The following NXPE4 variants were observed in gnomAD, a reference collection of about 807,000 sequenced individuals.
NXPE4 encodes NXPE family member 4.
In NXPE4, 42 loss-of-function variants were observed where a neutral mutation model predicts 33.3. The ratio of observed to expected loss-of-function variants is 1.26; its 90% CI spans 0.98 to 1.63. The LOEUF (loss-of-function observed/expected upper bound fraction) is 1.63, where lower values mean the gene tolerates loss of function less well. NXPE4 is among the 40% of genes most tolerant of loss of function. NXPE4 has a pLI of 0.00. For missense variants in NXPE4, 709 were observed against 647.6 expected (o/e 1.09, Z -1.03); for synonymous variants, 253 against 234.9 (o/e 1.08, Z -0.71).
the NXPE4 span, among the ~76,000 whole-genome samples, chr11:114,628,133 T>A: frequency 6.9e-6 from 1 of 144,366 alleles, no homozygotes; most frequent in South Asian, 2.3e-4. Context: ...TCAACAACGA[T>A]ACCCAAGAAT....
chr11:114,576,282 C>T (rs2138876), intron 5 of NXPE4, among the ~76,000 whole-genome samples: 31,259 of 152,018 alleles, frequency 0.21, 4,225 homozygotes, highest in African/African-American at 0.37. Flanking sequence ...CTTCTAGACA[C>T]TGGCTTAGGC....
At chr11:114,651,032 G>A in the NXPE4 span, among the ~76,000 whole-genome samples, 76 of 152,054 alleles carry the variant, frequency 5.0e-4, no homozygotes, top group Non-Finnish European at 9.1e-4. Context: ...TTTGAAGTCT[G>A]TGGTACATTG....
At chr11:114,644,714 A>C in the NXPE4 span, among the ~76,000 whole-genome samples, 2,234 of 152,182 alleles carry the variant, frequency 0.015, 43 homozygotes, top group African/African-American at 0.051. Flanking sequence ...AATTTTATCA[A>C]ATCTCTATAA....
At position 114,582,438 on chromosome 11, in the gene NXPE4, G is replaced by C; in HGVS notation, c.680C>G (p.Ala227Gly). 6.2e-7 allele frequency: 1 copy of C among 1,614,176 alleles called. No individual in the cohort carries two copies. The highest frequency in any genetic ancestry group is 8.5e-7 in the Non-Finnish European group (1 of 1,180,000). ...SECGLILNTN[A>G]ELCQYLDNRD... is the part of the protein sequence containing the mutation. ...GTTGTCCAGGTACTGGCACAATTCA[G>C]CATTTGTGTTTAGGATCAGGCCACA... The change falls in exon 3 of 6, where the codon GCT (alanine) becomes GGT (glycine). Residue 227 changes from alanine (A) to glycine (G), a missense_variant. Ala to Gly is a moderately conservative substitution (Grantham distance 60). Transcript: ENST00000375478.
the NXPE4 span, among the ~76,000 whole-genome samples, chr11:114,676,332 G>GA: frequency 4.0e-5 from 6 of 151,580 alleles, no homozygotes; most frequent in Non-Finnish European, 8.8e-5. Context: ...TACGAAATGG[G>GA]AAAAAACATT....
At position 114,594,697 on chromosome 11, in the gene NXPE4, C is replaced by T; in HGVS notation, c.63G>A (p.Trp21Ter). The T allele has an allele frequency of 6.2e-7, 1 of 1,603,816 alleles. No homozygotes were observed. The highest frequency in any genetic ancestry group is 8.5e-7 in the Non-Finnish European group (1 of 1,173,186). Reference protein sequence around the residue: ...LLALLFILASWIIFTVFQNST... With the variant: ...LLALLFILAS ...AGTTCTGGAAAACTGTAAAAATGATCCAGGAGGCTAATATAAACAACAGTG... is the reference window on the plus strand; with the variant it reads ...AGTTCTGGAAAACTGTAAAAATGATTCAGGAGGCTAATATAAACAACAGTG... Residue 21 changes from tryptophan to a stop codon, truncating the protein, a stop_gained, in exon 2 of 6, where the codon TGG (tryptophan) becomes TGA (stop). Coordinates refer to ENST00000375478, the MANE Select transcript of NXPE4 (RefSeq NM_001077639.2). LOFTEE classifies it high-confidence loss of function.
chr11:114,581,630 A>T, intron 4 of NXPE4, 95 bp downstream of exon 4: 1 of 984,154 alleles, frequency 1.0e-6, no homozygotes. Flanking sequence ...CAGAGTGCTG[A>T]TAGGACTGAA....
the NXPE4 span, among the ~76,000 whole-genome samples, chr11:114,635,972 G>A: frequency 6.6e-6 from 1 of 151,978 alleles, no homozygotes; most frequent in Non-Finnish European, 1.5e-5. Flanking sequence ...GGATGATGCT[G>A]GCCTCATAAA....
chr11:114,617,950 G>C, the NXPE4 span, among the ~76,000 whole-genome samples: 2 of 150,880 alleles, frequency 1.3e-5, no homozygotes, highest in Non-Finnish European at 3.0e-5. Context: ...GTATTGCCTC[G>C]TGGGAAACCA....
chr11:114,642,584 G>T, the NXPE4 span, among the ~76,000 whole-genome samples: 1 of 152,062 alleles, frequency 6.6e-6, no homozygotes, highest in African/African-American at 2.4e-5. Flanking sequence ...TCCCTGCAAA[G>T]GACACGAACT....
the NXPE4 span, among the ~76,000 whole-genome samples, chr11:114,640,824 G>T: frequency 6.6e-6 from 1 of 151,748 alleles, no homozygotes; most frequent in African/African-American, 2.4e-5. Flanking sequence ...TTCCTAATTT[G>T]TTTGAGGTCC....
At chr11:114,589,956 T>G (rs542229755) in intron 2 of NXPE4, among the ~76,000 whole-genome samples, 77 of 152,322 alleles carry the variant, frequency 5.1e-4, no homozygotes, top group South Asian at 1.0e-3. Flanking sequence ...CTGAGGGAAC[T>G]AAATGGTTTA....
chr11:114,599,465 A>G (rs1440714558), upstream of NXPE4, among the ~76,000 whole-genome samples: 1 of 152,130 alleles, frequency 6.6e-6, no homozygotes, highest in Non-Finnish European at 1.5e-5. Context: ...AGGTATATTT[A>G]TGGCAGTGTT....
At chr11:114,641,399 A>G in the NXPE4 span, among the ~76,000 whole-genome samples, 1 of 152,118 alleles carries the variant, frequency 6.6e-6, no homozygotes, top group Admixed American at 6.6e-5. Flanking sequence ...AAATCTCAGC[A>G]ACTTTCAAAT....
the NXPE4 span, among the ~76,000 whole-genome samples, chr11:114,619,612 A>T: frequency 2.7e-5 from 4 of 150,766 alleles, no homozygotes; most frequent in African/African-American, 9.8e-5. Context: ...TCCCAGTGGA[A>T]AATGTGTTGC....
At chr11:114,656,788 A>AATAGTAACT in the NXPE4 span, among the ~76,000 whole-genome samples, 1 of 152,098 alleles carries the variant, frequency 6.6e-6, no homozygotes, top group South Asian at 2.1e-4. Flanking sequence ...ATACCCTTAA[A>AATAGTAACT]ATAGTAACTA....
chr11:114,601,968 T>C, the NXPE4 span, among the ~76,000 whole-genome samples: 13 of 86,534 alleles, frequency 1.5e-4, no homozygotes, highest in South Asian at 2.2e-3. Flanking sequence ...TTATATATTA[T>C]ATATTCTGTT....
At chr11:114,607,679 G>C in the NXPE4 span, among the ~76,000 whole-genome samples, 1 of 149,156 alleles carries the variant, frequency 6.7e-6, no homozygotes, top group Admixed American at 6.7e-5. Context: ...TAAGTGTTGA[G>C]TTGCGGGTAA....
intron 4 of NXPE4, among the ~76,000 whole-genome samples, chr11:114,581,325 T>A (rs945215694): frequency 1.3e-5 from 2 of 152,074 alleles, no homozygotes; most frequent in Non-Finnish European, 1.5e-5. Flanking sequence ...AAACTGACAC[T>A]CAGATGGCAG....
Sources: allele counts gnomAD v4.1 joint callset (sites outside exome capture counted in the v4.1 genomes callset), GRCh38; gene constraint gnomAD v4.1.1; transcripts MANE v1.5; gene names NCBI Gene and HGNC (gene_info 2026-07-23, HGNC 2026-07-21).